Variants in TSGA10 observed in about 807,000 individuals in gnomAD.
TSGA10 encodes testis specific 10, also known as testis-specific gene 10 protein.
In TSGA10, 43 loss-of-function variants were observed where a neutral mutation model predicts 96.6. That is an observed-to-expected ratio of 0.44 (90% CI 0.35 to 0.57). The LOEUF is 0.57. Ranked by LOEUF, TSGA10 falls within the 20% of genes least tolerant of loss-of-function variation. TSGA10 has a pLI of 0.01. For synonymous variants in TSGA10, 229 were observed against 269.9 expected, an observed-to-expected ratio of 0.85 and a Z score of 1.48; for missense variants, 703 against 834.4, an observed-to-expected ratio of 0.84 and a Z score of 1.94.
At chr2:99,112,705 G>A (rs1054639612) in intron 4 of TSGA10, among the ~76,000 whole-genome samples, 37 of 151,798 alleles carry the variant, frequency 2.4e-4, no homozygotes, top group African/African-American at 8.7e-4. Flanking sequence ...GGCATGGCTG[G>A]AGCACAGTGA....
At chr2:99,119,964 T>C (rs2092484622) in intron 2 of TSGA10, among the ~76,000 whole-genome samples, 1 of 152,192 alleles carries the variant, frequency 6.6e-6, no homozygotes, top group African/African-American at 2.4e-5. Context: ...ACACTAAAAA[T>C]GTCTGTTAAC....
At chr2:99,150,129 C>T (rs906965497) in intron 1 of TSGA10, among the ~76,000 whole-genome samples, 2 of 152,122 alleles carry the variant, frequency 1.3e-5, no homozygotes, top group African/African-American at 2.4e-5. Context: ...TTATTTTTTA[C>T]AGAAAATAAA....
intron 4 of TSGA10, chr2:99,117,023 A>G (rs1320638113): frequency 2.0e-5 from 3 of 152,182 alleles, no homozygotes; most frequent in African/African-American, 4.8e-5. Context: ...CCTTGATTCC[A>G]TATCTTGGCT....
intron 17 of TSGA10, among the ~76,000 whole-genome samples, chr2:99,025,093 T>C (rs1186558043): frequency 6.6e-6 from 1 of 152,188 alleles, no homozygotes; most frequent in Non-Finnish European, 1.5e-5. Context: ...GTCTGCAGTT[T>C]TATTTTCCTG....
intron 1 of TSGA10, chr2:99,147,642 G>GT (rs2093646094): frequency 1.5e-6 from 1 of 688,504 alleles, no homozygotes; most frequent in African/African-American, 1.8e-5. Flanking sequence ...AGAGTTTTGT[G>GT]TTTTTTAAAA....
At chr2:99,053,124 C>CA (rs1339398110) in intron 16 of TSGA10, among the ~76,000 whole-genome samples, 5 of 151,284 alleles carry the variant, frequency 3.3e-5, no homozygotes, top group East Asian at 1.9e-4. Context: ...AATCTTACAT[C>CA]AAAAAAAAGC....
rs142526089 is a variant in TSGA10, at chr2:99,035,396, A to G, written c.1448T>C (p.Leu483Ser). The change falls in exon 17 of 21, where the codon TTA becomes TCA. Residue 483 changes from leucine to serine, a missense_variant. Transcript: ENST00000393483. The part of the protein sequence containing the change: ...ERSYKSQIST[L>S]HKSVVKMEEE... ...TTCCATTTTTACAACAGATTTATGT[A>G]AGGTAGAAATCTGGGACTTGTAAGA... The G allele has an allele frequency of 8.7e-6, 14 of 1,612,648 alleles. No homozygotes were observed. In the African/African-American group the frequency reaches 1.9e-4, roughly 22 times the overall value.
At chr2:99,101,236 C>G (rs2090682313) in intron 10 of TSGA10, among the ~76,000 whole-genome samples, 2 of 91,604 alleles carry the variant, frequency 2.2e-5, no homozygotes, top group South Asian at 8.6e-4. Context: ...CAGAGTGAGA[C>G]TCTGTCTCAA....
intron 20 of TSGA10, among the ~76,000 whole-genome samples, chr2:99,007,575 G>T (rs1261117289): frequency 6.6e-6 from 1 of 152,074 alleles, no homozygotes. Context: ...GAATATCAAT[G>T]CAACAAATAA....
intron 1 of TSGA10, among the ~76,000 whole-genome samples, chr2:99,135,057 A>C (rs2093268308): frequency 6.6e-6 from 1 of 152,198 alleles, no homozygotes; most frequent in Non-Finnish European, 1.5e-5. Flanking sequence ...TCTCCCAGTC[A>C]GGAGGCATGG....
intron 16 of TSGA10, among the ~76,000 whole-genome samples, chr2:99,057,896 G>T (rs1283429833): frequency 2.0e-5 from 3 of 152,120 alleles, no homozygotes; most frequent in African/African-American, 7.2e-5. Flanking sequence ...TATAAGGATA[G>T]ACATACAGAT....
chr2:99,063,441 G>C (rs1489671236), intron 16 of TSGA10, among the ~76,000 whole-genome samples: 1 of 152,120 alleles, frequency 6.6e-6, no homozygotes, highest in African/African-American at 2.4e-5. Flanking sequence ...ACAAGCCACA[G>C]ACAAGGACAA....
chr2:99,058,323 A>G (rs1370173639), intron 16 of TSGA10, among the ~76,000 whole-genome samples: 2 of 152,204 alleles, frequency 1.3e-5, no homozygotes, highest in Non-Finnish European at 2.9e-5. Context: ...CAACACAAAA[A>G]TATGTAGAAT....
At chr2:99,144,963 C>A (rs147278088) in intron 1 of TSGA10, among the ~76,000 whole-genome samples, 2 of 152,288 alleles carry the variant, frequency 1.3e-5, no homozygotes, top group Non-Finnish European at 2.9e-5. Flanking sequence ...TTTGCTACGG[C>A]TGTGCAACAA....
chr2:99,004,245 C>A (rs1440639783), intron 20 of TSGA10, among the ~76,000 whole-genome samples: 1 of 151,788 alleles, frequency 6.6e-6, no homozygotes, highest in African/African-American at 2.4e-5. Context: ...AAGACTAAAC[C>A]AGGAAGAAGT....
At chr2:99,035,043 T>C (rs1004578939) in intron 17 of TSGA10, among the ~76,000 whole-genome samples, 187 bp downstream of exon 17, 11 of 152,188 alleles carry the variant, frequency 7.2e-5, no homozygotes, top group African/African-American at 2.4e-4. Flanking sequence ...AAGGAAGAGT[T>C]TCTGTTACAG....
intron 1 of TSGA10, among the ~76,000 whole-genome samples, chr2:99,149,442 C>CTTTTT (rs35395900): frequency 7.5e-6 from 1 of 132,818 alleles, no homozygotes; most frequent in Non-Finnish European, 1.6e-5. Flanking sequence ...ACATGATCAT[C>CTTTTT]TTTTTTTTTT....
intron 17 of TSGA10, among the ~76,000 whole-genome samples, chr2:99,024,968 C>T (rs75205396): frequency 6.6e-6 from 1 of 152,082 alleles, no homozygotes; most frequent in African/African-American, 2.4e-5. Flanking sequence ...TAAACCAACC[C>T]AGCATTCATG....
At chr2:99,081,537 A>T (rs1408435528) in intron 10 of TSGA10, 140 bp from the exon 11 acceptor site, 2 of 389,642 alleles carry the variant, frequency 5.1e-6, no homozygotes, top group Non-Finnish European at 9.3e-6. Flanking sequence ...TATTTTCATT[A>T]TAAAACCAGG....
Sources: gnomAD v4.1 joint callset for allele counts (sites outside exome capture counted in the v4.1 genomes callset) on GRCh38, gnomAD v4.1.1 for gene constraint, MANE v1.5 for transcripts, NCBI Gene and HGNC (gene_info 2026-07-23, HGNC 2026-07-21) for gene names.